Variants in TNS1 observed in about 807,000 individuals in gnomAD.
The protein encoded by TNS1 is tensin-1.
Under a neutral mutation model 168.6 loss-of-function variants are expected in TNS1, and 62 were observed. The observed-to-expected ratio is 0.37, with a 90% CI of 0.30 to 0.45. The LOEUF (loss-of-function observed/expected upper bound fraction) is 0.45, where lower values mean the gene tolerates loss of function less well. TNS1 is among the 20% of genes least tolerant of loss of function. The pLI is 1.00. For synonymous variants in TNS1, 934 were observed against 933.2 expected (o/e 1.00, Z -0.02); for missense variants, 2,240 against 2,339.4 (o/e 0.96, Z 0.88).
chr2:217,957,179 C>A (rs1957385804), intron 3 of TNS1, among the ~76,000 whole-genome samples: 1 of 152,222 alleles, frequency 6.6e-6, no homozygotes, highest in Non-Finnish European at 1.5e-5. Flanking sequence ...TCCCAGAGCC[C>A]AGTGGCCCCA....
chr2:217,883,555 G>A (rs13428061), intron 16 of TNS1, among the ~76,000 whole-genome samples: 26,188 of 152,156 alleles, frequency 0.17, 3,240 homozygotes, highest in African/African-American at 0.34. Flanking sequence ...ATGAGCCACC[G>A]TGCCTGGCCA....
chr2:217,960,890 C>T (rs921017216), intron 3 of TNS1, among the ~76,000 whole-genome samples: 1 of 152,158 alleles, frequency 6.6e-6, no homozygotes, highest in Non-Finnish European at 1.5e-5. Flanking sequence ...GGTAGCCACT[C>T]CTCTACTGAA....
intron 3 of TNS1, among the ~76,000 whole-genome samples, chr2:217,933,742 A>G (rs1409105750): frequency 6.6e-6 from 1 of 152,182 alleles, no homozygotes; most frequent in African/African-American, 2.4e-5. Context: ...TGCCTGTCCC[A>G]TCTGAGCCCC....
At chr2:217,938,970 T>C (rs1278813738) in intron 3 of TNS1, among the ~76,000 whole-genome samples, 1 of 152,108 alleles carries the variant, frequency 6.6e-6, no homozygotes, top group Non-Finnish European at 1.5e-5. Flanking sequence ...CTCCACTCTC[T>C]GGTCCCATAA....
intron 1 of TNS1, among the ~76,000 whole-genome samples, chr2:218,031,393 TTG>T (rs1010631341): frequency 2.7e-5 from 4 of 150,206 alleles, no homozygotes; most frequent in East Asian, 4.0e-4. Flanking sequence ...TATGAATGTC[TTG>T]TGTGAGTGTG....
At chr2:217,858,671 T>TAC (rs60953913) in intron 18 of TNS1, 3,424 of 149,294 alleles carry the variant, frequency 0.023, 125 homozygotes, top group African/African-American at 0.094. Flanking sequence ...CCTGCCCATG[T>TAC]ACACACACAC....
intron 2 of TNS1, among the ~76,000 whole-genome samples, chr2:217,989,324 G>T (rs561687947): frequency 2.0e-5 from 3 of 152,136 alleles, no homozygotes; most frequent in African/African-American, 4.8e-5. Context: ...TGGTGTGGAC[G>T]GTGGGTCACA....
At chr2:217,827,077 T>G (rs1190531237) in intron 22 of TNS1, among the ~76,000 whole-genome samples, 1 of 151,842 alleles carries the variant, frequency 6.6e-6, no homozygotes, top group Non-Finnish European at 1.5e-5. Context: ...CCAGCCCCCA[T>G]GACATCCTAT....
At chr2:217,871,141 C>G (rs1217441371) in intron 18 of TNS1, among the ~76,000 whole-genome samples, 1 of 152,222 alleles carries the variant, frequency 6.6e-6, no homozygotes, top group Admixed American at 6.5e-5. Flanking sequence ...ACAAGAGGAC[C>G]AATCTGCCTG....
upstream of TNS1, among the ~76,000 whole-genome samples, chr2:218,012,362 T>C (rs150818592): frequency 6.6e-6 from 1 of 152,242 alleles, no homozygotes; most frequent in African/African-American, 2.4e-5. Context: ...TTCTCAGCAC[T>C]TGGGCATGAG....
rs372055298 is a variant in TNS1 at position 217,920,208 on chromosome 2, T to C, written c.215A>G (p.Asn72Ser). The C allele has an allele frequency of 1.4e-6, 1 of 702,860 alleles. No individual in the cohort carries two copies. Among genetic ancestry groups the C allele is most frequent in the East Asian group, 2.7e-5 (1 of 37,268 alleles). The allele number at this position is 702,860 out of a possible 1,614,324, so 43.5% of individuals were successfully genotyped here. A position where few individuals can be genotyped will look rare whatever the true frequency, so the allele number is the denominator to read the frequency against. ...GCTGTCACTCACCACCAGCTCATGG[T>C]TGGATGGAGGAACGCAGGGGGCAGC... ...KVAAPCVPPS[N>S]HELVPITTEN... The change falls in exon 4 of 33, where the codon AAC becomes AGC. Residue 72 changes from asparagine to serine, a missense_variant. Around this residue, in one of 2 missense-constraint regions of TNS1, gnomAD observed 2,131 missense variants for 2,171.2 expected, o/e 0.98. Transcript: ENST00000682258.
chr2:217,915,020 T>C (rs1026511867), intron 4 of TNS1, among the ~76,000 whole-genome samples: 2 of 152,208 alleles, frequency 1.3e-5, no homozygotes, highest in Non-Finnish European at 2.9e-5. Context: ...TCCCTCCCCA[T>C]GCTCAGCATC....
chr2:217,966,318 C>CAT (rs1957638326), intron 3 of TNS1, among the ~76,000 whole-genome samples: 1 of 150,316 alleles, frequency 6.7e-6, no homozygotes, highest in African/African-American at 2.5e-5. Context: ...TGCGCGCGCG[C>CAT]GCGTGTGTAA....
chr2:217,981,121 G>T (rs1289855997), intron 2 of TNS1, among the ~76,000 whole-genome samples: 1 of 152,216 alleles, frequency 6.6e-6, no homozygotes, highest in Non-Finnish European at 1.5e-5. Context: ...CCAGCAGCTA[G>T]GACAGTGTCT....
chr2:217,990,029 T>C (rs1958316109), intron 2 of TNS1, among the ~76,000 whole-genome samples: 1 of 132,652 alleles, frequency 7.5e-6, no homozygotes, highest in African/African-American at 2.9e-5. Flanking sequence ...GCACACATCA[T>C]CCACACACCA....
At chr2:218,016,303 A>G (rs1958759658) in intron 1 of TNS1, among the ~76,000 whole-genome samples, 1 of 152,138 alleles carries the variant, frequency 6.6e-6, no homozygotes, top group East Asian at 1.9e-4. Context: ...AGGCTGCGAC[A>G]GTGACAGTGA....
intron 19 of TNS1, among the ~76,000 whole-genome samples, chr2:217,844,733 T>C (rs903909500): frequency 2.6e-5 from 4 of 152,192 alleles, no homozygotes; most frequent in Non-Finnish European, 4.4e-5. Context: ...GTTCCAGTTC[T>C]TTTTTCCCCC....
intron 1 of TNS1, among the ~76,000 whole-genome samples, chr2:217,992,142 A>G (rs1035538669): frequency 2.6e-5 from 4 of 151,596 alleles, no homozygotes; most frequent in Non-Finnish European, 5.9e-5. Flanking sequence ...GGGCCTATTC[A>G]GAGGACTCCC....
Position 217,917,281 on chromosome 2 carries a change from T to C in TNS1, c.228+2914A>G, listed in dbSNP as rs1955124011. 2.6e-5 allele frequency among the ~76,000 whole-genome samples: 4 copies of C among 152,306 alleles called. No individual in the cohort carries two copies. The South Asian group carries it at 8.3e-4, about 32-fold the overall frequency. On this transcript the variant is annotated intron_variant, in intron 4 of 32. Transcript: ENST00000682258. Reference sequence around the variant, plus strand: ...CTAATCTGCCAGACATCGGGCTGAATGCCTTCCTTCCAGCCATTCAAGAAA... The same window carrying C: ...CTAATCTGCCAGACATCGGGCTGAACGCCTTCCTTCCAGCCATTCAAGAAA...
Sources: gnomAD v4.1 joint callset for allele counts (sites outside exome capture counted in the v4.1 genomes callset) on GRCh38, gnomAD v4.1.1 for gene constraint, gnomAD v4.1.1 regional missense constraint, MANE v1.5 for transcripts, NCBI Gene and HGNC (gene_info 2026-07-23, HGNC 2026-07-21) for gene names.